NKX6-3: variants seen among roughly 807,000 people sequenced by gnomAD.
NKX6-3 encodes the protein homeobox protein Nkx-6.3.
A neutral mutation model predicts 22.0 loss-of-function variants in NKX6-3; 17 were observed. The observed-to-expected ratio is 0.77, with a 90% CI of 0.53 to 1.16. NKX6-3 has a LOEUF of 1.16. NKX6-3 is among the 50% of genes most tolerant of loss of function. NKX6-3 has a pLI of 0.00. For missense variants in NKX6-3, 363 were observed against 359.0 expected (o/e 1.01, Z -0.09); for synonymous variants, 177 against 167.2 (o/e 1.06, Z -0.45).
In NKX6-3 at chr8:41,645,688, G is replaced by A. The variant is rs1313669016; in HGVS notation, c.*761C>T. The A allele has an allele frequency of 2.6e-5, 4 of 152,356 alleles. No individual in the cohort carries two copies. Among genetic ancestry groups the A allele is most frequent in the Non-Finnish European group, 5.9e-5 (4 of 68,154 alleles). The allele number at this position is 152,356 out of a possible 1,614,324, so 9.4% of individuals were successfully genotyped here. A position where few individuals can be genotyped will look rare whatever the true frequency, so the allele number is the denominator to read the frequency against. ...CCCTCCCCTTTTCCCCGGCTGTCAG[G>A]ATGAGGAGGGCACAGCGGTCTCAGA... is the stretch of plus-strand genomic sequence containing the variant. On this transcript the variant is annotated 3_prime_UTR_variant, in exon 3 of 3. Transcript: ENST00000518699.
rs1431656358 is a variant in NKX6-3, at chr8:41,646,595, C to T, written c.652G>A (p.Gly218Ser). 1 of 1,576,954 alleles carries T rather than the reference C, an allele frequency of 6.3e-7. No homozygotes were observed. Among genetic ancestry groups the T allele is most frequent in the Admixed American group, 1.8e-5 (1 of 54,212 alleles). Reference protein sequence around the residue: ...RAPGGAGAGAGGDRAPSENED... With the variant: ...RAPGGAGAGASGDRAPSENED... ...TTCTCCGAGGGTGCGCGGTCCCCGC[C>T]TGCGCCTGCACCCGCGCCGCCCGGG... Residue 218 changes from glycine to serine, a missense_variant, in exon 3 of 3, where the codon GGC (glycine) becomes AGC (serine). Gly to Ser is a moderately conservative substitution (Grantham distance 56). Coordinates refer to ENST00000518699, the MANE Select transcript of NKX6-3 (RefSeq NM_001364841.2).
chr8:41,649,896 G>A (rs899045098), intron 1 of NKX6-3, among the ~76,000 whole-genome samples: 8 of 152,108 alleles, frequency 5.3e-5, no homozygotes, highest in Non-Finnish European at 8.8e-5. Context: ...CATGTGAGGG[G>A]GGTGGCTCAG....
At position 41,648,159 on chromosome 8, in the gene NKX6-3, G is replaced by A. The variant is rs1440373781; in HGVS notation, c.459C>T (p.Ala153=). The A allele has an allele frequency of 6.5e-7, 1 of 1,538,566 alleles. No individual in the cohort carries two copies. Among genetic ancestry groups the A allele is most frequent in the East Asian group, 2.4e-5 (1 of 40,912 alleles). ...TGGTCTGCTCAAAGGTTTTCTCCAG[G>A]GCAAAGATCTGGTGCCCCGTGAAGG... ...RPTFTGHQIF[A]LEKTFEQTKY... is the part of the protein sequence containing the mutation. Residue 153 remains alanine (A), a synonymous_variant, in exon 2 of 3, where the codon GCC becomes GCT. Transcript: ENST00000518699.
Position 41,650,713 on chromosome 8 carries a change from C to T in NKX6-3, c.-221G>A. On this transcript the variant is annotated 5_prime_UTR_variant, in exon 1 of 3. Transcript: ENST00000518699. ...GGGCAGGTGGGAGGCCTCCCCAGGGCTCCTGGCCTCTCTCCTTGCCCTGGC... is the reference window on the plus strand; with the variant it reads ...GGGCAGGTGGGAGGCCTCCCCAGGGTTCCTGGCCTCTCTCCTTGCCCTGGC... 1 of 544,472 alleles carries T rather than the reference C, an allele frequency of 1.8e-6. No homozygotes were observed. Among genetic ancestry groups the T allele is most frequent in the Non-Finnish European group, 3.3e-6 (1 of 305,840 alleles). The allele number at this position is 544,472 out of a possible 1,614,324, so 33.7% of individuals were successfully genotyped here.
At position 41,650,301 on chromosome 8, in the gene NKX6-3, A is replaced by T; in HGVS notation, c.192T>A (p.Ala64=). ...GITDILSRPV[A]APNNSLLSGY... The stretch of plus-strand genomic sequence containing the variant: ...CGGAGAGGAGGCTGTTGTTCGGCGC[A>T]GCCACGGGCCTGCTCAGGATGTCCG... Residue 64 remains alanine (A), a synonymous_variant, in exon 1 of 3, where the codon GCT becomes GCA. Transcript: ENST00000518699. 1 of 1,534,650 alleles carries T rather than the reference A, an allele frequency of 6.5e-7. No homozygotes were observed. Among genetic ancestry groups the T allele is most frequent in the Non-Finnish European group, 8.7e-7 (1 of 1,146,164 alleles).
chr8:41,650,554 T>G lies in NKX6-3; in HGVS notation c.-62A>C. ...CCCTAAAACCCAAGAGCCCACTCTC[T>G]AGCCCCAAATCTCATGGCAGGCCTG... On this transcript the variant is annotated 5_prime_UTR_variant, in exon 1 of 3. Transcript: ENST00000518699. 19 of 1,479,514 alleles carry G rather than the reference T, an allele frequency of 1.3e-5. No homozygotes were observed. Among genetic ancestry groups the G allele is most frequent in the Non-Finnish European group, 1.7e-5 (19 of 1,108,180 alleles). 91.6% of individuals were successfully genotyped at this position (1,479,514 alleles called of 1,614,324 possible).
intron 2 of NKX6-3, 110 bp from the exon 3 acceptor site, chr8:41,646,804 C>T (rs1804214233): frequency 1.4e-6 from 2 of 1,410,048 alleles, no homozygotes; most frequent in Admixed American, 5.5e-5. Flanking sequence ...GAGTGACTGT[C>T]ACATTCACGT....
rs1254679062 is a variant in NKX6-3, at chr8:41,645,951, A to G, written c.*498T>C. 1 of 184,498 alleles carries G rather than the reference A, an allele frequency of 5.4e-6. No homozygotes were observed. Among genetic ancestry groups the G allele is most frequent in the Admixed American group, 5.9e-5 (1 of 17,038 alleles). 11.4% of individuals were successfully genotyped at this position (184,498 alleles called of 1,614,324 possible). ...GCCACTCACCTGTCTTTTCTTCTGC[A>G]GCCAGCAGCTGGCTTGGGGCCCAAG... On this transcript the variant is annotated 3_prime_UTR_variant, in exon 3 of 3. Transcript: ENST00000518699.
chr8:41,647,172 G>A lies in NKX6-3; in HGVS notation c.553-478C>T, dbSNP rs375674851. On this transcript the variant is annotated intron_variant, in intron 2 of 2. Transcript: ENST00000518699. ...TAACGTAGGTCCATTGCTTGGGATAGTTGAAGAGGGCAGGAACGCACCCCA... is the reference window on the plus strand; with the variant it reads ...TAACGTAGGTCCATTGCTTGGGATAATTGAAGAGGGCAGGAACGCACCCCA... The A allele has an allele frequency of 8.1e-6, 13 of 1,611,802 alleles. No individual in the cohort carries two copies. The African/African-American group carries it at 1.3e-4, about 17-fold the overall frequency.
Position 41,646,589 on chromosome 8 carries a change from C to T in NKX6-3, c.658G>A (p.Asp220Asn), listed in dbSNP as rs1189419546. Residue 220 changes from aspartate to asparagine, a missense_variant, in exon 3 of 3, where the codon GAC becomes AAC. Coordinates refer to ENST00000518699, the MANE Select transcript of NKX6-3 (RefSeq NM_001364841.2). ...TCCTCGTTCTCCGAGGGTGCGCGGTCCCCGCCTGCGCCTGCACCCGCGCCG... is the reference window on the plus strand; with the variant it reads ...TCCTCGTTCTCCGAGGGTGCGCGGTTCCCGCCTGCGCCTGCACCCGCGCCG... Reference protein sequence around the residue: ...PGGAGAGAGGDRAPSENEDDE... With the variant: ...PGGAGAGAGGNRAPSENEDDE... The T allele has an allele frequency of 3.2e-6, 5 of 1,581,248 alleles. No individual in the cohort carries two copies. Among genetic ancestry groups the T allele is most frequent in the African/African-American group, 1.3e-5 (1 of 74,264 alleles).
At chr8:41,649,337 G>A (rs762920861) in intron 1 of NKX6-3, among the ~76,000 whole-genome samples, 9 of 152,170 alleles carry the variant, frequency 5.9e-5, no homozygotes, top group Non-Finnish European at 1.2e-4. Flanking sequence ...CCTGCCTGAC[G>A]TGGGCAGGGC....
At chr8:41,647,056 T>C (rs879147166) in intron 2 of NKX6-3, 3 of 928,354 alleles carry the variant, frequency 3.2e-6, no homozygotes, top group East Asian at 2.7e-5. Context: ...CCGGTGCTCA[T>C]TGGAAGGTGC....
chr8:41,646,570 T>A lies in NKX6-3; in HGVS notation c.677A>T (p.Asn226Ile). The A allele has an allele frequency of 1.2e-6, 2 of 1,602,256 alleles. No individual in the cohort carries two copies. The highest frequency in any genetic ancestry group is 1.7e-4 in the Middle Eastern group (1 of 6,036). Residue 226 changes from asparagine to isoleucine, a missense_variant, in exon 3 of 3, where the codon AAC (asparagine) becomes ATC (isoleucine). Asn to Ile is a moderately radical substitution (Grantham distance 149). Around this residue, in one of 3 missense-constraint regions of NKX6-3, gnomAD observed 169 missense variants for 155.8 expected, o/e 1.08. Coordinates refer to ENST00000518699, the MANE Select transcript of NKX6-3 (RefSeq NM_001364841.2). ...GAGGDRAPSE[N>I]EDDEYNKPLD... ...CGGCTTGTTGTACTCGTCGTCCTCG[T>A]TCTCCGAGGGTGCGCGGTCCCCGCC...
intron 2 of NKX6-3, among the ~76,000 whole-genome samples, 167 bp from the exon 3 acceptor site, chr8:41,646,861 C>T (rs377646346): frequency 7.6e-6 from 1 of 131,012 alleles, no homozygotes; most frequent in Non-Finnish European, 1.6e-5. Context: ...AGCGCGGCAG[C>T]CCTCCCCTCC....
Position 41,650,095 on chromosome 8 carries a change from G to GA in NKX6-3, c.382+15dup. On this transcript the variant is annotated intron_variant, in intron 1 of 2. Transcript: ENST00000518699. ...TGGCGGGTGCCGGGAGGTGGCTGGG[G>GA]AGGACCCGTACTCACTGTTGCTGCA... The GA allele has an allele frequency of 6.6e-7, 1 of 1,522,498 alleles. No homozygotes were observed. 94.3% of individuals were successfully genotyped at this position (1,522,498 alleles called of 1,614,324 possible).
At position 41,646,319 on chromosome 8, in the gene NKX6-3, C is replaced by G; in HGVS notation, c.*130G>C. ...TCCCCTGCACCTGCTGCTCCTCCTC[C>G]ACGCGCCCCTCATCCAAAGAAAGAC... On this transcript the variant is annotated 3_prime_UTR_variant, in exon 3 of 3. Transcript: ENST00000518699. The G allele has an allele frequency of 8.1e-7, 1 of 1,231,408 alleles. No individual in the cohort carries two copies. Among genetic ancestry groups the G allele is most frequent in the African/African-American group, 1.9e-5 (1 of 51,900 alleles). The allele number at this position is 1,231,408 out of a possible 1,614,324, so 76.3% of individuals were successfully genotyped here.
Position 41,650,643 on chromosome 8 carries a change from C to G in NKX6-3, c.-151G>C. On this transcript the variant is annotated 5_prime_UTR_variant, in exon 1 of 3. Transcript: ENST00000518699. Reference sequence around the variant, plus strand: ...ACCTAAGGCATGGGCCAGGCCCTGGCCCAGGAACCGGCACCCGATCAGCTG... The same window carrying G: ...ACCTAAGGCATGGGCCAGGCCCTGGGCCAGGAACCGGCACCCGATCAGCTG... 3 of 812,098 alleles carry G rather than the reference C, an allele frequency of 3.7e-6. No individual in the cohort carries two copies. In the South Asian group the frequency reaches 5.5e-5, roughly 15 times the overall value. The allele number at this position is 812,098 out of a possible 1,614,324, so 50.3% of individuals were successfully genotyped here. A position where few individuals can be genotyped will look rare whatever the true frequency, so the allele number is the denominator to read the frequency against.
chr8:41,647,365 C>A, intron 2 of NKX6-3: 1 of 1,546,996 alleles, frequency 6.5e-7, no homozygotes, highest in Non-Finnish European at 8.7e-7. Context: ...TCCTTAGGCC[C>A]GTCGCCGAGT....
chr8:41,648,008 C>A, intron 2 of NKX6-3, 58 bp downstream of exon 2: 2 of 1,447,234 alleles, frequency 1.4e-6, no homozygotes, highest in South Asian at 2.7e-5. Context: ...AACGCAGTGG[C>A]CTCCTGTCCG....
Sources: allele counts gnomAD v4.1 joint callset (sites outside exome capture counted in the v4.1 genomes callset), GRCh38; gene constraint gnomAD v4.1.1; regional missense constraint gnomAD v4.1.1; transcripts MANE v1.5; gene names NCBI Gene and HGNC (gene_info 2026-07-23, HGNC 2026-07-21).